The following TMPO variants were observed in gnomAD, a reference collection of about 807,000 sequenced individuals.
TMPO encodes the protein LEM domain containing 4.
A neutral mutation model predicts 45.4 loss-of-function variants in TMPO; 22 were observed. The observed-to-expected ratio is 0.48, with a 90% CI of 0.35 to 0.69. The LOEUF is 0.69. TMPO is among the 30% of genes least tolerant of loss of function. The probability of loss-of-function intolerance (pLI) is 0.01; values close to 1 mark genes in which losing one functional copy is unlikely to be tolerated. For missense variants in TMPO, 512 were observed against 548.8 expected (o/e 0.93, Z 0.67); for synonymous variants, 241 against 204.1 (o/e 1.18, Z -1.54).
chr12:98,540,570 G>A (rs1877856126), intron 4 of TMPO, among the ~76,000 whole-genome samples: 1 of 152,032 alleles, frequency 6.6e-6, no homozygotes, highest in South Asian at 2.1e-4. Context: ...TAGAGACGGG[G>A]TTTCTCCGTG....
chr12:98,536,308 T>A (rs1329985914), intron 3 of TMPO, among the ~76,000 whole-genome samples: 1 of 152,108 alleles, frequency 6.6e-6, no homozygotes, highest in African/African-American at 2.4e-5. Flanking sequence ...GTTTTAGAAA[T>A]AACAACTGAC....
chr12:98,518,182 A>G (rs1280830951), intron 1 of TMPO, among the ~76,000 whole-genome samples: 2 of 151,756 alleles, frequency 1.3e-5, no homozygotes, highest in East Asian at 1.9e-4. Flanking sequence ...TGAAAATAAT[A>G]TTTAAATCAG....
intron 3 of TMPO, chr12:98,532,685 G>T: frequency 8.2e-7 from 1 of 1,214,638 alleles, no homozygotes. Context: ...GTCTACCAGG[G>T]CAAATCTGGC....
At chr12:98,534,259 C>G in intron 3 of TMPO, 1 of 1,613,686 alleles carries the variant, frequency 6.2e-7, no homozygotes, top group Non-Finnish European at 8.5e-7. Context: ...TAAGAATAAG[C>G]TGGCTTCCAC....
At chr12:98,523,424 G>T (rs1291799726) in intron 1 of TMPO, among the ~76,000 whole-genome samples, 3 of 151,924 alleles carry the variant, frequency 2.0e-5, no homozygotes, top group African/African-American at 7.3e-5. Flanking sequence ...CGGGTATGGT[G>T]TTGCGCGCTT....
intron 3 of TMPO, 122 bp downstream of exon 3, chr12:98,531,960 T>TTA: frequency 1.3e-6 from 1 of 749,554 alleles, no homozygotes. Flanking sequence ...ATTCGTGTCA[T>TTA]TAGAGTAATT....
intron 8 of TMPO, 30 bp downstream of exon 8, chr12:98,546,477 T>A: frequency 2.6e-5 from 35 of 1,322,958 alleles, no homozygotes; most frequent in Non-Finnish European, 3.6e-5. Context: ...CAAGTACTAG[T>A]GTATTCTAGT....
intron 1 of TMPO, among the ~76,000 whole-genome samples, chr12:98,523,876 G>T (rs561342554): frequency 1.3e-5 from 2 of 152,054 alleles, no homozygotes; most frequent in South Asian, 4.1e-4. Context: ...GGGTTTCACC[G>T]TGTTGGCCAG....
chr12:98,516,367 G>A, intron 1 of TMPO: 2 of 1,208,574 alleles, frequency 1.7e-6, no homozygotes, highest in South Asian at 8.2e-5. Flanking sequence ...TGACGTGTGG[G>A]TCTGGGAGGT....
intron 2 of TMPO, among the ~76,000 whole-genome samples, chr12:98,529,031 T>C (rs1876992230): frequency 6.6e-6 from 1 of 151,646 alleles, no homozygotes; most frequent in Admixed American, 6.6e-5. Context: ...AATGAAGTTA[T>C]TAAATTCCTA....
At position 98,549,893 on chromosome 12, in the gene TMPO, A is replaced by G. The variant is rs1878443031; in HGVS notation, c.*2035A>G. 1 of 148,220 alleles carries G rather than the reference A, an allele frequency of 6.7e-6. No individual in the cohort carries two copies. Among genetic ancestry groups the G allele is most frequent in the African/African-American group, 2.5e-5 (1 of 40,400 alleles). 9.2% of individuals were successfully genotyped at this position (148,220 alleles called of 1,614,324 possible). A position where few individuals can be genotyped will look rare whatever the true frequency, so the allele number is the denominator to read the frequency against. ...CAAAGTGAGTGGGAAACTTACTCCT[A>G]GATCAGAAATGTTTGCCTCTCTGAG... On this transcript the variant is annotated 3_prime_UTR_variant, in exon 9 of 9. Coordinates refer to ENST00000556029, the MANE Select transcript of TMPO (RefSeq NM_001032283.3).
chr12:98,536,672 T>G (rs968549476), intron 3 of TMPO, among the ~76,000 whole-genome samples: 1 of 152,142 alleles, frequency 6.6e-6, no homozygotes, highest in African/African-American at 2.4e-5. Context: ...CTAAAATCAG[T>G]CTTTTCAAAA....
At chr12:98,520,614 T>G in intron 1 of TMPO, among the ~76,000 whole-genome samples, 1 of 150,040 alleles carries the variant, frequency 6.7e-6, no homozygotes, top group Non-Finnish European at 1.5e-5. Flanking sequence ...CAATACCAGG[T>G]CTTATTTCTT....
rs1274305825 is a variant in TMPO at position 98,535,746 on chromosome 12, T to G, written c.566-1729T>G. The stretch of plus-strand genomic sequence containing the variant: ...TCCATTTCATCATTGAAACTCACTT[T>G]GACATTTCAGTGGTATAATTGAAAA... On this transcript the variant is annotated intron_variant, in intron 3 of 8. Transcript: ENST00000556029. 5 of 792,756 alleles carry G rather than the reference T, an allele frequency of 6.3e-6. No individual in the cohort carries two copies. In the African/African-American group the frequency reaches 7.5e-5, roughly 12 times the overall value. The allele number at this position is 792,756 out of a possible 1,614,324, so 49.1% of individuals were successfully genotyped here.
chr12:98,527,823 G>A (rs1876893173), intron 1 of TMPO, 63 bp from the exon 2 acceptor site: 9 of 1,590,964 alleles, frequency 5.7e-6, no homozygotes, highest in African/African-American at 1.3e-5. Flanking sequence ...TGTTATACAG[G>A]TTATTATCTA....
intron 2 of TMPO, 35 bp from the exon 3 acceptor site, chr12:98,531,645 A>G (rs753684404): frequency 7.5e-6 from 12 of 1,609,224 alleles, no homozygotes; most frequent in African/African-American, 5.3e-5. Context: ...AAATGAAACA[A>G]TACAGGTACT....
intron 7 of TMPO, among the ~76,000 whole-genome samples, chr12:98,545,940 T>G (rs1054786990): frequency 5.3e-5 from 8 of 152,002 alleles, no homozygotes; most frequent in Non-Finnish European, 1.2e-4. Context: ...ACTATGTTGG[T>G]CAGGCTGGTC....
rs2121217780 is a variant in TMPO, at chr12:98,535,669, C to G, written c.566-1806C>G. The G allele has an allele frequency of 4.1e-6, 4 of 985,348 alleles. No individual in the cohort carries two copies. The South Asian group carries it at 1.9e-4, about 46-fold the overall frequency. 61.0% of individuals were successfully genotyped at this position (985,348 alleles called of 1,614,324 possible). A position where few individuals can be genotyped will look rare whatever the true frequency, so the allele number is the denominator to read the frequency against. ...CTCCAGAAACATGTTGTTCTGTGTGCTTTATTCTTGGAGTTGCAACAAGTT... is the reference window on the plus strand; with the variant it reads ...CTCCAGAAACATGTTGTTCTGTGTGGTTTATTCTTGGAGTTGCAACAAGTT... On this transcript the variant is annotated intron_variant, in intron 3 of 8. Coordinates refer to ENST00000556029, the MANE Select transcript of TMPO (RefSeq NM_001032283.3).
intron 4 of TMPO, among the ~76,000 whole-genome samples, chr12:98,537,997 G>A (rs1022296390): frequency 1.3e-5 from 2 of 152,174 alleles, no homozygotes; most frequent in Admixed American, 6.5e-5. Context: ...AAACTCAGAA[G>A]CTAGTCTGGT....
Sources: gnomAD v4.1 joint callset for allele counts (sites outside exome capture counted in the v4.1 genomes callset) on GRCh38, gnomAD v4.1.1 for gene constraint, MANE v1.5 for transcripts, NCBI Gene and HGNC (gene_info 2026-07-23, HGNC 2026-07-21) for gene names.